The following ST6GALNAC3 variants were observed in gnomAD, a reference collection of about 807,000 sequenced individuals.
The protein encoded by ST6GALNAC3 is ST6 N-acetylgalactosaminide alpha-2,6-sialyltransferase 3.
A neutral mutation model predicts 32.7 loss-of-function variants in ST6GALNAC3; 25 were observed. The ratio of observed to expected loss-of-function variants is 0.76; its 90% CI spans 0.56 to 1.07. The LOEUF (loss-of-function observed/expected upper bound fraction) is 1.07, where lower values mean the gene tolerates loss of function less well. Ranked by LOEUF, ST6GALNAC3 falls within the 50% of genes least tolerant of loss-of-function variation. The probability of loss-of-function intolerance (pLI) is 0.00; values close to 1 mark genes in which losing one functional copy is unlikely to be tolerated. For synonymous variants in ST6GALNAC3, 129 were observed against 133.1 expected (o/e 0.97, Z 0.21); for missense variants, 355 against 382.4 (o/e 0.93, Z 0.60).
At chr1:76,135,094 A>T (rs1317657682) in intron 1 of ST6GALNAC3, among the ~76,000 whole-genome samples, 1 of 152,074 alleles carries the variant, frequency 6.6e-6, no homozygotes, top group Non-Finnish European at 1.5e-5. Context: ...GTGAGCCAAG[A>T]TCGCACCACT....
At chr1:76,311,870 T>C (rs905240106) in intron 1 of ST6GALNAC3, among the ~76,000 whole-genome samples, 19 of 152,288 alleles carry the variant, frequency 1.2e-4, no homozygotes, top group African/African-American at 4.3e-4. Flanking sequence ...TCTTCCACAA[T>C]GGTTGAACTA....
intron 1 of ST6GALNAC3, among the ~76,000 whole-genome samples, chr1:76,255,671 T>G (rs1290585262): frequency 1.3e-5 from 2 of 152,170 alleles, no homozygotes; most frequent in African/African-American, 4.8e-5. Context: ...ACTACTTTGT[T>G]GCCTACGTAG....
chr1:76,309,218 C>T (rs1646705500), intron 1 of ST6GALNAC3, among the ~76,000 whole-genome samples: 1 of 152,134 alleles, frequency 6.6e-6, no homozygotes, highest in African/African-American at 2.4e-5. Context: ...TGGCCAGCTG[C>T]ACCAAGTTGT....
chr1:76,155,807 G>A lies in ST6GALNAC3; in HGVS notation c.18+80923G>A, dbSNP rs796649369. 1.2e-4 allele frequency among the ~76,000 whole-genome samples: 18 copies of A among 152,196 alleles called. 1 individual carries two copies. Among genetic ancestry groups the A allele is most frequent in the African/African-American group, 4.3e-4 (18 of 41,518 alleles). ...TTTTTAACATATAGTTTCTCCTGTT[G>A]TTGTTGTTTTAATCATATTAGCATA... is the stretch of plus-strand genomic sequence containing the variant. On this transcript the variant is annotated intron_variant, in intron 1 of 4. Transcript: ENST00000328299.
chr1:76,134,864 C>T (rs1313768124), intron 1 of ST6GALNAC3, among the ~76,000 whole-genome samples: 1 of 152,182 alleles, frequency 6.6e-6, no homozygotes, highest in African/African-American at 2.4e-5. Flanking sequence ...ACTTTCTGGC[C>T]AGGTGCGGTG....
chr1:76,559,691 C>T (rs1319394243), intron 3 of ST6GALNAC3, among the ~76,000 whole-genome samples: 3 of 152,078 alleles, frequency 2.0e-5, no homozygotes, highest in Non-Finnish European at 4.4e-5. Context: ...TTCATAAGAA[C>T]CAAAACTCAG....
In ST6GALNAC3 at chr1:76,412,128, A is replaced by T; in HGVS notation, c.334A>T (p.Thr112Ser). ...CATTTGGAGAATGAACAATGCCCCC[A>T]CCAAAGGTTATGAAGAAGATGTCGG... ...SCIWRMNNAP[T>S]KGYEEDVGRM... Residue 112 changes from threonine to serine, a missense_variant, in exon 3 of 5, where the codon ACC (threonine) becomes TCC (serine). Thr to Ser is a moderately conservative substitution (Grantham distance 58). Coordinates refer to ENST00000328299, the MANE Select transcript of ST6GALNAC3 (RefSeq NM_152996.4). 7.4e-6 allele frequency: 12 copies of T among 1,613,712 alleles called. No homozygotes were observed. The highest frequency in any genetic ancestry group is 1.0e-5 in the Non-Finnish European group (12 of 1,179,816).
At chr1:76,277,453 A>G (rs1249683837) in intron 1 of ST6GALNAC3, among the ~76,000 whole-genome samples, 1 of 151,026 alleles carries the variant, frequency 6.6e-6, no homozygotes, top group African/African-American at 2.4e-5. Context: ...TAATTTCTAT[A>G]TTCAAAAAAT....
intron 3 of ST6GALNAC3, among the ~76,000 whole-genome samples, chr1:76,426,474 G>T (rs922190241): frequency 6.6e-6 from 1 of 151,416 alleles, no homozygotes; most frequent in Non-Finnish European, 1.5e-5. Flanking sequence ...GCATGGAGCT[G>T]TCATCTCCTA....
At chr1:76,544,533 G>C (rs1484122389) in intron 3 of ST6GALNAC3, among the ~76,000 whole-genome samples, 1 of 152,164 alleles carries the variant, frequency 6.6e-6, no homozygotes, top group Non-Finnish European at 1.5e-5. Context: ...GAGAGAAAGA[G>C]AGAAGTATCA....
chr1:76,186,459 C>A (rs183791071), intron 1 of ST6GALNAC3, among the ~76,000 whole-genome samples: 2 of 151,892 alleles, frequency 1.3e-5, no homozygotes, highest in Admixed American at 6.6e-5. Context: ...TCATAGTAAT[C>A]CTGAGGGAAA....
chr1:76,104,559 T>A (rs1012814450), intron 1 of ST6GALNAC3, among the ~76,000 whole-genome samples: 30 of 151,620 alleles, frequency 2.0e-4, no homozygotes, highest in Admixed American at 3.9e-4. Flanking sequence ...AGGCCCAGAA[T>A]GCCAGCTTCT....
At chr1:76,326,995 G>A (rs1396508630) in intron 2 of ST6GALNAC3, among the ~76,000 whole-genome samples, 2 of 152,048 alleles carry the variant, frequency 1.3e-5, no homozygotes, top group Non-Finnish European at 2.9e-5. Context: ...CTCACTTAGT[G>A]TAAAGCTGAC....
At chr1:76,608,049 A>G (rs1267070950) in intron 3 of ST6GALNAC3, among the ~76,000 whole-genome samples, 8 of 152,210 alleles carry the variant, frequency 5.3e-5, no homozygotes, top group Non-Finnish European at 1.0e-4. Context: ...GACTCCAACT[A>G]AAATGTGGTT....
chr1:76,249,147 T>C (rs543678412), intron 1 of ST6GALNAC3, among the ~76,000 whole-genome samples: 5 of 152,284 alleles, frequency 3.3e-5, no homozygotes, highest in African/African-American at 1.2e-4. Flanking sequence ...TAGTATGCAG[T>C]TCAATGGGTT....
chr1:76,103,813 A>G (rs925886678), intron 1 of ST6GALNAC3, among the ~76,000 whole-genome samples: 1 of 152,148 alleles, frequency 6.6e-6, no homozygotes, highest in African/African-American at 2.4e-5. Flanking sequence ...TCTTCTGCCA[A>G]TCTCTTATAA....
intron 1 of ST6GALNAC3, 31 bp downstream of exon 1, chr1:76,074,915 TG>T: frequency 6.3e-7 from 1 of 1,579,958 alleles, no homozygotes; most frequent in African/African-American, 1.3e-5. Flanking sequence ...CTCGGACGCG[TG>T]GTTGGCCAGC....
chr1:76,166,791 C>T (rs991352618), intron 1 of ST6GALNAC3, among the ~76,000 whole-genome samples: 11 of 152,050 alleles, frequency 7.2e-5, no homozygotes, highest in South Asian at 2.1e-4. Context: ...GTTGCCTATT[C>T]GGCTCTTGGC....
intron 1 of ST6GALNAC3, among the ~76,000 whole-genome samples, chr1:76,120,712 G>T (rs12408886): frequency 6.6e-6 from 1 of 152,056 alleles, no homozygotes; most frequent in Non-Finnish European, 1.5e-5. Flanking sequence ...CTAAACAGAG[G>T]TCCCAACTCC....
Sources: allele counts gnomAD v4.1 joint callset (sites outside exome capture counted in the v4.1 genomes callset), GRCh38; gene constraint gnomAD v4.1.1; transcripts MANE v1.5; gene names NCBI Gene and HGNC (gene_info 2026-07-23, HGNC 2026-07-21).